The following ATP6V1D variants were observed in gnomAD, a reference collection of about 807,000 sequenced individuals.
The protein encoded by ATP6V1D is V-type proton ATPase subunit D.
ATP6V1D carries 20 observed loss-of-function variants against 39.4 expected under a neutral mutation model. The observed-to-expected ratio is 0.51, with a 90% CI of 0.36 to 0.74. ATP6V1D has a LOEUF of 0.74. ATP6V1D is among the 30% of genes least tolerant of loss of function. ATP6V1D has a pLI of 0.00. For missense variants in ATP6V1D, 228 were observed against 291.6 expected (o/e 0.78, Z 1.59); for synonymous variants, 100 against 100.5 (o/e 0.99, Z 0.03).
At chr14:67,345,244 AAAAT>A (rs943967407) in intron 6 of ATP6V1D, among the ~76,000 whole-genome samples, 3 of 151,720 alleles carry the variant, frequency 2.0e-5, no homozygotes, top group Non-Finnish European at 4.4e-5. Flanking sequence ...CCCATTTCGA[AAAAT>A]AAATAAATTT....
intron 3 of ATP6V1D, 92 bp from the exon 4 acceptor site, chr14:67,349,196 A>C: frequency 8.4e-7 from 1 of 1,194,868 alleles, no homozygotes; most frequent in South Asian, 1.3e-5. Context: ...AATGAGACCA[A>C]GAGTGAGATG....
chr14:67,340,469 C>A lies in ATP6V1D; in HGVS notation c.573G>T (p.Leu191=). ...AGAACTCTTCTCGCTCTCTCTCATC[C>A]AGCTCTGTGATGATATAAGCAAGAG... The part of the protein sequence containing the change: ...ERTLAYIITE[L]DEREREEFYR... Residue 191 remains leucine (L), a synonymous_variant, in exon 8 of 9, where the codon CTG becomes CTT. Transcript: ENST00000216442. 1 of 1,613,898 alleles carries A rather than the reference C, an allele frequency of 6.2e-7. No homozygotes were observed. The highest frequency in any genetic ancestry group is 8.5e-7 in the Non-Finnish European group (1 of 1,179,892).
At chr14:67,339,461 ACT>A (rs2141088837) in intron 8 of ATP6V1D, among the ~76,000 whole-genome samples, 1 of 152,150 alleles carries the variant, frequency 6.6e-6, no homozygotes, top group African/African-American at 2.4e-5. Context: ...TTAGATGCTA[ACT>A]CCAGGTCTAA....
chr14:67,344,557 G>A (rs2085606879), intron 6 of ATP6V1D, among the ~76,000 whole-genome samples: 1 of 152,088 alleles, frequency 6.6e-6, no homozygotes, highest in Non-Finnish European at 1.5e-5. Context: ...TTTAAATCTA[G>A]TATCAACTTG....
chr14:67,345,782 G>C lies in ATP6V1D; in HGVS notation c.442C>G (p.Leu148Val), dbSNP rs1164621637. The change falls in exon 6 of 9, where the codon CTA becomes GTA. Residue 148 changes from leucine to valine, a missense_variant. Physicochemically the swap from Leu to Val is conservative, Grantham distance 32. Coordinates refer to ENST00000216442, the MANE Select transcript of ATP6V1D (RefSeq NM_015994.4). ...YAKAVELLVE[L>V]ASLQTSFVTL... ...TTGCTACTTACCTGCAGAGAAGCTA[G>C]TTCCACCAGTAGTTCCACTGCTTTG... The C allele has an allele frequency of 2.5e-6, 4 of 1,613,152 alleles. No individual in the cohort carries two copies. The highest frequency in any genetic ancestry group is 3.4e-6 in the Non-Finnish European group (4 of 1,179,280).
At chr14:67,350,065 T>G (rs1380732087) in intron 3 of ATP6V1D, among the ~76,000 whole-genome samples, 5 of 152,234 alleles carry the variant, frequency 3.3e-5, no homozygotes, top group Non-Finnish European at 7.3e-5. Context: ...ATTTGGAGAA[T>G]TACATAACAT....
chr14:67,350,911 G>A (rs2085650762), intron 2 of ATP6V1D, among the ~76,000 whole-genome samples: 1 of 152,168 alleles, frequency 6.6e-6, no homozygotes, highest in African/African-American at 2.4e-5. Flanking sequence ...CAGAATAAAT[G>A]CATTGAGAAA....
chr14:67,340,907 TGC>T (rs2085576117), intron 7 of ATP6V1D, among the ~76,000 whole-genome samples: 1 of 152,182 alleles, frequency 6.6e-6, no homozygotes, highest in Non-Finnish European at 1.5e-5. Flanking sequence ...AGCTCCTAAC[TGC>T]GAGTGATCCG....
At chr14:67,354,517 G>A (rs769222972) in intron 1 of ATP6V1D, among the ~76,000 whole-genome samples, 34 of 152,082 alleles carry the variant, frequency 2.2e-4, no homozygotes, top group Non-Finnish European at 4.9e-4. Context: ...TTTAAAAGAT[G>A]GGTACTCCAG....
rs1278146104 is a variant in ATP6V1D at position 67,349,253 on chromosome 14, G to A, written c.240-149C>T. 20 of 740,308 alleles carry A rather than the reference G, an allele frequency of 2.7e-5. No homozygotes were observed. The South Asian group carries it at 3.2e-4, about 12-fold the overall frequency. The allele number at this position is 740,308 out of a possible 1,614,324, so 45.9% of individuals were successfully genotyped here. A position where few individuals can be genotyped will look rare whatever the true frequency, so the allele number is the denominator to read the frequency against. ...TAACTGTCCTTTTTCCAAAAAGGGAGAAAAGTCATTACTGCTAGAGGAGGG... is the reference window on the plus strand; with the variant it reads ...TAACTGTCCTTTTTCCAAAAAGGGAAAAAAGTCATTACTGCTAGAGGAGGG... On this transcript the variant is annotated intron_variant, in intron 3 of 8. Coordinates refer to ENST00000216442, the MANE Select transcript of ATP6V1D (RefSeq NM_015994.4).
chr14:67,347,268 T>G, intron 5 of ATP6V1D, 141 bp downstream of exon 5: 1 of 668,092 alleles, frequency 1.5e-6, no homozygotes, highest in Admixed American at 3.1e-5. Context: ...TGATCAACTA[T>G]TGTCCTGACT....
chr14:67,346,166 T>C (rs185247243), intron 5 of ATP6V1D, among the ~76,000 whole-genome samples: 41 of 152,352 alleles, frequency 2.7e-4, no homozygotes, highest in African/African-American at 8.2e-4. Flanking sequence ...TACTGCCTGA[T>C]GCCCAGAGTA....
chr14:67,338,663 AT>A lies in ATP6V1D; in HGVS notation c.701del (p.Asn234IlefsTer36). The part of the protein sequence containing the change: ...RAAGEVLEPA[N>X]LLAEEKDEDL... ...CCTCGTCCTTCTCTTCAGCCAGAAG[AT>A]TAGCAGGCTCCAACACCTCTCCAGC... On this transcript the variant is annotated frameshift_variant, in exon 9 of 9. Coordinates refer to ENST00000216442, the MANE Select transcript of ATP6V1D (RefSeq NM_015994.4). LOFTEE classifies it high-confidence loss of function. The A allele has an allele frequency of 6.2e-7, 1 of 1,614,176 alleles. No individual in the cohort carries two copies. Among genetic ancestry groups the A allele is most frequent in the South Asian group, 1.1e-5 (1 of 91,084 alleles).
In ATP6V1D at chr14:67,347,629, T is replaced by C. The variant is rs571816917; in HGVS notation, c.308-176A>G. Among the ~76,000 whole-genome samples, 8 of 151,738 alleles carry C rather than the reference T, an allele frequency of 5.3e-5. No homozygotes were observed. In the East Asian group the frequency reaches 1.4e-3, roughly 26 times the overall value. On this transcript the variant is annotated intron_variant, in intron 4 of 8. Transcript: ENST00000216442. The stretch of plus-strand genomic sequence containing the variant: ...CAATTCTCCTGGTCAGCCTCCTGAA[T>C]AGGTGGGATTACAGGCATGCACCAC...
chr14:67,341,116 C>G (rs1350815471), intron 7 of ATP6V1D, among the ~76,000 whole-genome samples: 1 of 152,190 alleles, frequency 6.6e-6, no homozygotes, highest in Non-Finnish European at 1.5e-5. Context: ...AAGTGAGGAG[C>G]CTCTCTGCCT....
At chr14:67,356,046 C>T (rs568015668) in intron 1 of ATP6V1D, among the ~76,000 whole-genome samples, 1 of 152,058 alleles carries the variant, frequency 6.6e-6, no homozygotes, top group Admixed American at 6.6e-5. Flanking sequence ...GTTGTATAAC[C>T]TAGACACAGT....
In ATP6V1D at chr14:67,352,854, A is replaced by C. The variant is rs572772866; in HGVS notation, c.159+69T>G. 4.5e-3 allele frequency: 4,847 copies of C among 1,067,532 alleles called. 99 individuals carry two copies. In the East Asian group the frequency reaches 0.053, roughly 12 times the overall value. The allele number at this position is 1,067,532 out of a possible 1,614,324, so 66.1% of individuals were successfully genotyped here. A position where few individuals can be genotyped will look rare whatever the true frequency, so the allele number is the denominator to read the frequency against. On this transcript the variant is annotated intron_variant, in intron 2 of 8. Transcript: ENST00000216442. ...AATTAATTAAAATAACAACAACAAA[A>C]AAAAAAATGCCAAGGGCCATGCTGG...
In ATP6V1D at chr14:67,358,210, C is replaced by T. The variant is rs563406749; in HGVS notation, c.41+1448G>A. Among the ~76,000 whole-genome samples the T allele has an allele frequency of 9.2e-5, 14 of 152,262 alleles. No homozygotes were observed. The South Asian group carries it at 2.5e-3, about 27-fold the overall frequency. On this transcript the variant is annotated intron_variant, in intron 1 of 8. Coordinates refer to ENST00000216442, the MANE Select transcript of ATP6V1D (RefSeq NM_015994.4). ...GAAGTTTTGACTGAGTCATCACGTC[C>T]TAGGAGTTCTGCAGTTGTCACTACC... is the stretch of plus-strand genomic sequence containing the variant.
chr14:67,347,516 T>TTC (rs2085627853), intron 4 of ATP6V1D, 63 bp from the exon 5 acceptor site: 11 of 1,421,958 alleles, frequency 7.7e-6, no homozygotes, highest in African/African-American at 3.0e-5. Context: ...TTTTTTTTTT[T>TTC]CTGAGACGGA....
Sources: allele counts gnomAD v4.1 joint callset (sites outside exome capture counted in the v4.1 genomes callset), GRCh38; gene constraint gnomAD v4.1.1; transcripts MANE v1.5; gene names NCBI Gene and HGNC (gene_info 2026-07-23, HGNC 2026-07-21).